Variants in ACVRL1 observed in about 807,000 individuals in gnomAD.
ACVRL1 encodes the protein activin receptor type-1-like.
A neutral mutation model predicts 51.9 loss-of-function variants in ACVRL1; 20 were observed. The observed-to-expected ratio is 0.39, with a 90% CI of 0.27 to 0.56. ACVRL1 has a LOEUF of 0.56. Ranked by LOEUF, ACVRL1 falls within the 20% of genes least tolerant of loss-of-function variation. ACVRL1 has a pLI of 0.67. For missense variants in ACVRL1, 451 were observed against 670.3 expected, an observed-to-expected ratio of 0.67 and a Z score of 3.61; for synonymous variants, 288 against 280.9, an observed-to-expected ratio of 1.03 and a Z score of -0.25.
chr12:51,914,159 C>T (rs1366347704), intron 5 of ACVRL1, 86 bp downstream of exon 5: 3 of 1,420,366 alleles, frequency 2.1e-6, no homozygotes, highest in African/African-American at 2.8e-5. Context: ...ACTGGAATCA[C>T]AGGCGGTGCC....
chr12:51,912,370 C>A, intron 1 of ACVRL1, 100 bp from the exon 2 acceptor site: 3 of 1,392,174 alleles, frequency 2.2e-6, no homozygotes, highest in South Asian at 1.2e-5. Context: ...GCCTCCCCTC[C>A]AAAAAAAACT....
rs1565595183 is a variant in ACVRL1 at position 51,916,242 on chromosome 12, C to CCACCCTACA, written c.1246+12_1246+20dup. On this transcript the variant is annotated intron_variant, in intron 8 of 9. Transcript: ENST00000388922. The stretch of plus-strand genomic sequence containing the variant: ...CCGGACCATCGTGAATGGTGAGGGC[C>CCACCCTACA]CACCCTACACAGGGTAGGGAAAGGG... 3 of 1,613,238 alleles carry CCACCCTACA rather than the reference C, an allele frequency of 1.9e-6. No individual in the cohort carries two copies. Among genetic ancestry groups the CCACCCTACA allele is most frequent in the Non-Finnish European group, 2.5e-6 (3 of 1,179,716 alleles).
At chr12:51,907,183 AC>A (rs1188587544), upstream of ACVRL1, among the ~76,000 whole-genome samples, 1 of 150,508 alleles carries the variant, frequency 6.6e-6, no homozygotes, top group Non-Finnish European at 1.5e-5. This position sits in a 1 kb window ranked among gnomAD's most constrained non-coding sequence, Gnocchi z 4.5. Flanking sequence ...GTGGGTCCGG[AC>A]CCCACGGGAC....
chr12:51,912,439 C>T lies in ACVRL1; in HGVS notation c.-5-31C>T, dbSNP rs377047743. The T allele has an allele frequency of 1.6e-5, 26 of 1,612,956 alleles. No individual in the cohort carries two copies. In the African/African-American group the frequency reaches 3.5e-4, roughly 21 times the overall value. On this transcript the variant is annotated intron_variant, in intron 1 of 9. Coordinates refer to ENST00000388922, the MANE Select transcript of ACVRL1 (RefSeq NM_000020.3). Reference sequence around the variant, plus strand: ...CCAGCGGCTGTCACACTTCATGGCTCTTACTCCACCTCTCTTGCTCCTCTC... The same window carrying T: ...CCAGCGGCTGTCACACTTCATGGCTTTTACTCCACCTCTCTTGCTCCTCTC...
chr12:51,918,963 C>T, intron 8 of ACVRL1, 22 bp from the exon 9 acceptor site: 1 of 1,614,208 alleles, frequency 6.2e-7, no homozygotes, highest in Non-Finnish European at 8.5e-7. Context: ...AAGTGATTGT[C>T]CTGTCCATTC....
upstream of ACVRL1, among the ~76,000 whole-genome samples, chr12:51,907,181 G>A (rs1412899730): frequency 6.6e-6 from 1 of 152,018 alleles, no homozygotes. This position sits in a 1 kb window ranked among gnomAD's most constrained non-coding sequence, Gnocchi z 4.5. Flanking sequence ...CTGTGGGTCC[G>A]GACCCCACGG....
chr12:51,920,942 G>GGGGGGGGGGGGGGGGGGC lies in ACVRL1; in HGVS notation c.*52_*53insGGGGGGGGGGGGGGCGGG. Reference sequence around the variant, plus strand: ...TGCCTGCAGGGGGCTGGGGGGGTGGGGGGCAGTGGATGGTGCCCTATCTGG... The same window carrying GGGGGGGGGGGGGGGGGGC: ...TGCCTGCAGGGGGCTGGGGGGGTGGGGGGGGGGGGGGGGGGGGCGGGCAGTGGATGGTGCCCTATCTGG... On this transcript the variant is annotated 3_prime_UTR_variant, in exon 10 of 10. Coordinates refer to ENST00000388922, the MANE Select transcript of ACVRL1 (RefSeq NM_000020.3). The GGGGGGGGGGGGGGGGGGC allele has an allele frequency of 3.2e-6, 2 of 629,042 alleles. No homozygotes were observed. Among genetic ancestry groups the GGGGGGGGGGGGGGGGGGC allele is most frequent in the Non-Finnish European group, 2.9e-6 (1 of 341,658 alleles). 39.0% of individuals were successfully genotyped at this position (629,042 alleles called of 1,614,324 possible).
chr12:51,915,725 C>A, intron 7 of ACVRL1: 1 of 710,732 alleles, frequency 1.4e-6, no homozygotes, highest in Non-Finnish European at 2.3e-6. Flanking sequence ...AGAAAGGAGG[C>A]AGGAGCCAGG....
intron 8 of ACVRL1, among the ~76,000 whole-genome samples, chr12:51,916,826 T>G (rs1370997385): frequency 6.6e-6 from 1 of 151,932 alleles, no homozygotes; most frequent in African/African-American, 2.4e-5. Context: ...ATACAAAAAT[T>G]AGCTGGCTGT....
At chr12:51,920,732 CCTCTG>C in intron 9 of ACVRL1, 22 bp from the exon 10 acceptor site, 1 of 1,612,548 alleles carries the variant, frequency 6.2e-7, no homozygotes, top group Non-Finnish European at 8.5e-7. Context: ...TGCCTCCTCT[CCTCTG>C]CACCTCTCTC....
Position 51,915,242 on chromosome 12 carries a change from A to G in ACVRL1, c.790A>G (p.Met264Val), listed in dbSNP as rs1940801720. ...GCACACAGGCTTCATCGCCTCAGAC[A>G]TGACCTCCCGCAACTCGAGCACGCA... ...DNILGFIASDMTSRNSSTQLW... is the reference protein window; with the variant it reads ...DNILGFIASDVTSRNSSTQLW... The change falls in exon 7 of 10, where the codon ATG becomes GTG. Residue 264 changes from methionine (M) to valine (V), a missense_variant. Met to Val is a conservative substitution (Grantham distance 21). Coordinates refer to ENST00000388922, the MANE Select transcript of ACVRL1 (RefSeq NM_000020.3). The G allele has an allele frequency of 6.2e-7, 1 of 1,614,056 alleles. No homozygotes were observed. The highest frequency in any genetic ancestry group is 8.5e-7 in the Non-Finnish European group (1 of 1,180,026).
At chr12:51,909,907 T>C (rs1482114130) in intron 1 of ACVRL1, among the ~76,000 whole-genome samples, 1 of 152,236 alleles carries the variant, frequency 6.6e-6, no homozygotes, top group Non-Finnish European at 1.5e-5. Flanking sequence ...CTGTAATTTC[T>C]GGCCAACAAT....
In ACVRL1 at chr12:51,914,219, C is replaced by T. The variant is rs116471331; in HGVS notation, c.625+146C>T. The T allele has an allele frequency of 1.5e-3, 1,762 of 1,184,384 alleles. 10 individuals are homozygous for T. The African/African-American group carries it at 0.021, about 14-fold the overall frequency. The allele number at this position is 1,184,384 out of a possible 1,614,324, so 73.4% of individuals were successfully genotyped here. On this transcript the variant is annotated intron_variant, in intron 5 of 9. Transcript: ENST00000388922. ...TGCTGGGCAGGGAGTGGGCTGGAGA[C>T]GGGCCAGGGCTAGGTTCTTCTTTCT...
chr12:51,913,630 TTGCTGGCCC>T lies in ACVRL1; in HGVS notation c.388_396del (p.Leu130_Leu132del). 1 of 1,604,910 alleles carries T rather than the reference TTGCTGGCCC, an allele frequency of 6.2e-7. No individual in the cohort carries two copies. Among genetic ancestry groups the T allele is most frequent in the Non-Finnish European group, 8.5e-7 (1 of 1,179,924 alleles). Reference sequence around the variant, plus strand: ...CCTGATCCTGGGCCCCGTGCTGGCCTTGCTGGCCCTGGTGGCCCTGGGTGTCCTGGGCCT... The same window carrying T: ...CCTGATCCTGGGCCCCGTGCTGGCCTTGGTGGCCCTGGGTGTCCTGGGCCT... On this transcript the variant is annotated inframe_deletion, in exon 4 of 10. Transcript: ENST00000388922.
In ACVRL1 at chr12:51,916,240, G is replaced by T; in HGVS notation, c.1246+7G>T. The T allele has an allele frequency of 1.2e-6, 2 of 1,613,480 alleles. No homozygotes were observed. Among genetic ancestry groups the T allele is most frequent in the Non-Finnish European group, 1.7e-6 (2 of 1,179,816 alleles). ...CGCCGGACCATCGTGAATGGTGAGGGCCCACCCTACACAGGGTAGGGAAAG... is the reference window on the plus strand; with the variant it reads ...CGCCGGACCATCGTGAATGGTGAGGTCCCACCCTACACAGGGTAGGGAAAG... On this transcript the variant is annotated splice_region_variant and intron_variant, in intron 8 of 9. Transcript: ENST00000388922.
chr12:51,916,301 T>C, intron 8 of ACVRL1, 68 bp downstream of exon 8: 5 of 1,548,806 alleles, frequency 3.2e-6, no homozygotes, highest in African/African-American at 1.4e-5. Context: ...CTTCCAGCCA[T>C]GGCCAGTGCC....
At chr12:51,913,935 G>T in intron 4 of ACVRL1, 39 bp from the exon 5 acceptor site, 1 of 1,604,842 alleles carries the variant, frequency 6.2e-7, no homozygotes, top group South Asian at 1.1e-5. Flanking sequence ...GGCTGTGGCT[G>T]GTTGTGGCAG....
Position 51,915,970 on chromosome 12 carries a change from A to C in ACVRL1, c.1049-66A>C. 2.6e-6 allele frequency: 4 copies of C among 1,558,098 alleles called. No individual in the cohort carries two copies. The South Asian group carries it at 3.5e-5, about 14-fold the overall frequency. ...TGTCCCACTGTTTCTCTCAGTCCCC[A>C]CCTTGCCTGCCCCCTGGATCCCAGG... is the stretch of plus-strand genomic sequence containing the variant. On this transcript the variant is annotated intron_variant, in intron 7 of 9. Coordinates refer to ENST00000388922, the MANE Select transcript of ACVRL1 (RefSeq NM_000020.3).
At position 51,913,230 on chromosome 12, in the gene ACVRL1, G is replaced by T. The variant is rs1427299751; in HGVS notation, c.193G>T (p.Glu65Ter). 1 of 1,590,086 alleles carries T rather than the reference G, an allele frequency of 6.3e-7. No homozygotes were observed. The highest frequency in any genetic ancestry group is 2.3e-5 in the East Asian group (1 of 43,974). Residue 65 changes from glutamate to a stop codon, truncating the protein, a stop_gained, in exon 3 of 10, where the codon GAA becomes TAA. Transcript: ENST00000388922. LOFTEE classifies it high-confidence loss of function. ...GCGGGAGGAGGGGAGGCACCCCCAG[G>T]AACATCGGGGCTGCGGGAACTTGCA... ...LVREEGRHPQ[E>*]HRGCGNLHRE...
Sources: allele counts gnomAD v4.1 joint callset (sites outside exome capture counted in the v4.1 genomes callset), GRCh38; gene constraint gnomAD v4.1.1; non-coding constraint Gnocchi (gnomAD v3.1); transcripts MANE v1.5; gene names NCBI Gene and HGNC (gene_info 2026-07-23, HGNC 2026-07-21).